Variants in LINGO2 observed in about 807,000 individuals in gnomAD.
LINGO2 encodes leucine rich repeat and Ig domain containing 2.
In LINGO2, 14 loss-of-function variants were observed where a neutral mutation model predicts 30.6. The ratio of observed to expected loss-of-function variants is 0.46; its 90% confidence interval spans 0.30 to 0.72. The LOEUF (loss-of-function observed/expected upper bound fraction) is 0.72, where lower values mean the gene tolerates loss of function less well. Ranked by LOEUF, LINGO2 falls within the 30% of genes least tolerant of loss-of-function variation. The pLI is 0.07. For missense variants in LINGO2, 729 were observed against 751.7 expected (o/e 0.97, Z 0.35); for synonymous variants, 317 against 288.5 (o/e 1.10, Z -1.00).
chr9:29,148,219 T>G, the LINGO2 span, among the ~76,000 whole-genome samples: 1 of 152,250 alleles, frequency 6.6e-6, no homozygotes, highest in African/African-American at 2.4e-5. Context: ...TTAAAAATAA[T>G]TAATAACACC....
At chr9:28,286,187 C>T (rs1001308785) in intron 4 of LINGO2, among the ~76,000 whole-genome samples, 1 of 152,154 alleles carries the variant, frequency 6.6e-6, no homozygotes, top group Non-Finnish European at 1.5e-5. Flanking sequence ...CATTATCTGA[C>T]AATGGACAGA....
chr9:28,548,588 C>G (rs1352807812), intron 1 of LINGO2, among the ~76,000 whole-genome samples: 1 of 150,506 alleles, frequency 6.6e-6, no homozygotes, highest in Non-Finnish European at 1.5e-5. Flanking sequence ...CTTGTAGTCT[C>G]AGCTACTCGG....
chr9:28,711,028 C>A, the LINGO2 span, among the ~76,000 whole-genome samples: 1 of 151,930 alleles, frequency 6.6e-6, no homozygotes, highest in Non-Finnish European at 1.5e-5. Flanking sequence ...CTGGCCCCAG[C>A]ATTTATTATT....
At chr9:28,671,068 T>TTG (rs1828990012), upstream of LINGO2, among the ~76,000 whole-genome samples, 2 of 152,120 alleles carry the variant, frequency 1.3e-5, no homozygotes, top group Non-Finnish European at 2.9e-5. Flanking sequence ...TTGCTGCATA[T>TTG]TGTCACTTTC....
chr9:28,493,073 G>T (rs187019569), intron 1 of LINGO2, among the ~76,000 whole-genome samples: 32 of 152,178 alleles, frequency 2.1e-4, no homozygotes, highest in African/African-American at 7.5e-4. Context: ...TTTCTTAAAG[G>T]AAACAAGTAT....
chr9:28,597,767 T>C (rs1336253614), intron 1 of LINGO2, among the ~76,000 whole-genome samples: 1 of 152,170 alleles, frequency 6.6e-6, no homozygotes, highest in East Asian at 1.9e-4. Context: ...TATGTATATA[T>C]GTATTTATTT....
chr9:28,200,483 G>A (rs1391796409), intron 4 of LINGO2, among the ~76,000 whole-genome samples: 1 of 151,732 alleles, frequency 6.6e-6, no homozygotes, highest in East Asian at 1.9e-4. Flanking sequence ...TTTGGGTAAA[G>A]CAGGTATAGT....
intron 4 of LINGO2, among the ~76,000 whole-genome samples, chr9:28,026,749 A>G (rs192356748): frequency 2.0e-5 from 3 of 152,266 alleles, no homozygotes; most frequent in Admixed American, 1.3e-4. Flanking sequence ...TTGTAACCTC[A>G]CATTTGAACT....
the LINGO2 span, among the ~76,000 whole-genome samples, chr9:29,149,272 T>G: frequency 1.3e-5 from 2 of 152,066 alleles, no homozygotes; most frequent in Admixed American, 6.6e-5. Flanking sequence ...CTTATCTGCT[T>G]GAGGCCAGAC....
the LINGO2 span, among the ~76,000 whole-genome samples, chr9:28,681,768 T>C: frequency 6.6e-6 from 1 of 152,116 alleles, no homozygotes. Flanking sequence ...GCCTAAGTAC[T>C]ATTACTGAGT....
chr9:28,766,413 T>A, the LINGO2 span, among the ~76,000 whole-genome samples: 1 of 149,004 alleles, frequency 6.7e-6, no homozygotes, highest in Non-Finnish European at 1.5e-5. Context: ...AGCCACCTGA[T>A]AGAATGGCTA....
chr9:28,777,372 T>C, the LINGO2 span, among the ~76,000 whole-genome samples: 790 of 152,288 alleles, frequency 5.2e-3, 9 homozygotes, highest in African/African-American at 0.018. Context: ...GGGTCCTATT[T>C]TAAGATACTC....
At chr9:28,188,688 G>C (rs1040408384) in intron 4 of LINGO2, among the ~76,000 whole-genome samples, 1 of 152,134 alleles carries the variant, frequency 6.6e-6, no homozygotes, top group Non-Finnish European at 1.5e-5. Flanking sequence ...AATGTTTGGA[G>C]TATGGTGACA....
At chr9:29,147,538 G>C in the LINGO2 span, among the ~76,000 whole-genome samples, 1 of 152,002 alleles carries the variant, frequency 6.6e-6, no homozygotes, top group African/African-American at 2.4e-5. Flanking sequence ...ACCTATTTAT[G>C]CTCACATGCT....
At chr9:28,594,213 C>G (rs1406738487) in intron 1 of LINGO2, among the ~76,000 whole-genome samples, 2 of 151,976 alleles carry the variant, frequency 1.3e-5, no homozygotes, top group Non-Finnish European at 2.9e-5. Context: ...TTAAGGTTCT[C>G]TCTACATAGG....
chr9:29,130,152 T>C, the LINGO2 span, among the ~76,000 whole-genome samples: 1 of 152,156 alleles, frequency 6.6e-6, no homozygotes, highest in South Asian at 2.1e-4. Context: ...TAAGAGAAGA[T>C]GGGCAATTGA....
At chr9:28,764,221 C>A in the LINGO2 span, among the ~76,000 whole-genome samples, 1 of 151,444 alleles carries the variant, frequency 6.6e-6, no homozygotes, top group Non-Finnish European at 1.5e-5. Flanking sequence ...AAACTACAGG[C>A]CAGTATCTTT....
the LINGO2 span, among the ~76,000 whole-genome samples, chr9:28,693,027 T>C: frequency 1.3e-5 from 2 of 151,982 alleles, no homozygotes; most frequent in African/African-American, 2.4e-5. Context: ...ATGAAAAAAA[T>C]TGTCATTTTT....
the LINGO2 span, among the ~76,000 whole-genome samples, chr9:28,753,621 G>T: frequency 0.18 from 27,475 of 151,906 alleles, 3,334 homozygotes; most frequent in African/African-American, 0.33. Context: ...TAATTAACCC[G>T]AAACAAGAAA....
Sources: allele counts gnomAD v4.1 joint callset (sites outside exome capture counted in the v4.1 genomes callset), GRCh38; gene constraint gnomAD v4.1.1; transcripts MANE v1.5; gene names NCBI Gene and HGNC (gene_info 2026-07-23, HGNC 2026-07-21).